Variants in AIM2 observed in about 807,000 individuals in gnomAD.
AIM2 encodes absent in melanoma 2, also known as interferon-inducible protein AIM2.
Under a neutral mutation model 27.7 loss-of-function variants are expected in AIM2, and 30 were observed. That is an observed-to-expected ratio of 1.08 (90% CI 0.81 to 1.47). AIM2 has a LOEUF of 1.47. AIM2 is among the 40% of genes most tolerant of loss of function. The probability of loss-of-function intolerance (pLI) is 0.00; values close to 1 mark genes in which losing one functional copy is unlikely to be tolerated. For synonymous variants in AIM2, 141 were observed against 145.3 expected, an observed-to-expected ratio of 0.97 and a Z score of 0.21; for missense variants, 358 against 411.3, an observed-to-expected ratio of 0.87 and a Z score of 1.12.
At chr1:159,135,953 A>T (rs1648003249) in intron 1 of AIM2, among the ~76,000 whole-genome samples, 1 of 151,844 alleles carries the variant, frequency 6.6e-6, no homozygotes, top group South Asian at 2.1e-4. Flanking sequence ...AAATAGACAC[A>T]CTCGCCCTCA....
At chr1:159,105,401 C>T (rs544069149) in intron 1 of AIM2, among the ~76,000 whole-genome samples, 2 of 152,150 alleles carry the variant, frequency 1.3e-5, no homozygotes, top group Non-Finnish European at 2.9e-5. Flanking sequence ...TAGCCTGCAA[C>T]ATAGTGAGTG....
At chr1:159,139,657 T>C (rs1648074260) in intron 1 of AIM2, among the ~76,000 whole-genome samples, 1 of 152,234 alleles carries the variant, frequency 6.6e-6, no homozygotes, top group Admixed American at 6.5e-5. Context: ...TGGGGAATTA[T>C]CTGTGGATTT....
chr1:159,117,966 G>A (rs563003571), intron 1 of AIM2, among the ~76,000 whole-genome samples: 1 of 152,230 alleles, frequency 6.6e-6, no homozygotes, highest in African/African-American at 2.4e-5. Context: ...TATTGATGAA[G>A]CATTTGAAAC....
At chr1:159,068,387 G>C (rs1656202478) in intron 3 of AIM2, among the ~76,000 whole-genome samples, 181 bp downstream of exon 3, 1 of 152,230 alleles carries the variant, frequency 6.6e-6, no homozygotes, top group Non-Finnish European at 1.5e-5. Flanking sequence ...AAGCTCAACA[G>C]GTGTTTAATC....
At chr1:159,056,465 TG>T in the AIM2 span, among the ~76,000 whole-genome samples, 4 of 151,914 alleles carry the variant, frequency 2.6e-5, no homozygotes, top group African/African-American at 9.7e-5. Context: ...TGCTTCCTGC[TG>T]ACAGGGGGTG....
At chr1:159,097,890 C>T (rs929255521) in intron 1 of AIM2, among the ~76,000 whole-genome samples, 3 of 152,096 alleles carry the variant, frequency 2.0e-5, no homozygotes, top group Non-Finnish European at 4.4e-5. Flanking sequence ...AAAGTGAAAA[C>T]GCCATTCTGA....
At chr1:159,082,184 G>A (rs1405635832) in intron 1 of AIM2, among the ~76,000 whole-genome samples, 1 of 152,158 alleles carries the variant, frequency 6.6e-6, no homozygotes, top group Non-Finnish European at 1.5e-5. Flanking sequence ...CTAGAAGAGA[G>A]TGGAGCAATT....
intron 1 of AIM2, among the ~76,000 whole-genome samples, chr1:159,121,421 G>A (rs1647531042): frequency 6.6e-6 from 1 of 152,144 alleles, no homozygotes; most frequent in African/African-American, 2.4e-5. Flanking sequence ...TTATATAAAT[G>A]TATAAATGGG....
upstream of AIM2, among the ~76,000 whole-genome samples, chr1:159,141,227 T>C (rs1648104864): frequency 1.3e-5 from 2 of 152,098 alleles, no homozygotes; most frequent in African/African-American, 4.8e-5. Context: ...AGTTGGACAT[T>C]TTCTCATTGG....
chr1:159,142,537 C>G (rs138603271), upstream of AIM2, among the ~76,000 whole-genome samples: 245 of 152,256 alleles, frequency 1.6e-3, no homozygotes, highest in African/African-American at 5.6e-3. Context: ...CCCCACCTTG[C>G]TCAGCCCGGA....
At chr1:159,134,409 C>A (rs543606968) in intron 1 of AIM2, among the ~76,000 whole-genome samples, 5 of 152,320 alleles carry the variant, frequency 3.3e-5, no homozygotes, top group African/African-American at 1.2e-4. Context: ...CAGTGGTTTT[C>A]CATTGTTTTT....
At chr1:159,114,468 C>T (rs189417680) in intron 1 of AIM2, among the ~76,000 whole-genome samples, 1 of 152,274 alleles carries the variant, frequency 6.6e-6, no homozygotes, top group African/African-American at 2.4e-5. Context: ...TGCTTGTAAT[C>T]CCAACACTTT....
At chr1:159,126,835 A>G (rs914337167) in intron 1 of AIM2, among the ~76,000 whole-genome samples, 2 of 152,112 alleles carry the variant, frequency 1.3e-5, no homozygotes, top group Non-Finnish European at 2.9e-5. Flanking sequence ...AAAAACCTGG[A>G]AAAAAACTGC....
intron 1 of AIM2, among the ~76,000 whole-genome samples, chr1:159,145,977 G>A (rs545453470): frequency 2.6e-5 from 4 of 152,164 alleles, no homozygotes; most frequent in South Asian, 2.1e-4. Context: ...ATGGTGGTGC[G>A]TGCCTGTAGT....
upstream of AIM2, among the ~76,000 whole-genome samples, chr1:159,080,259 C>A (rs183608617): frequency 2.6e-5 from 4 of 152,176 alleles, no homozygotes; most frequent in African/African-American, 9.6e-5. Flanking sequence ...TTGTAAGAAA[C>A]CACTAATTGG....
downstream of AIM2, among the ~76,000 whole-genome samples, chr1:159,061,021 T>A (rs1655816894): frequency 6.6e-6 from 1 of 152,236 alleles, no homozygotes; most frequent in African/African-American, 2.4e-5. Flanking sequence ...AGAGTTTCAA[T>A]TGCTCTGTAT....
chr1:159,107,013 T>A (rs1056343691), intron 1 of AIM2, among the ~76,000 whole-genome samples: 3 of 152,258 alleles, frequency 2.0e-5, no homozygotes, highest in African/African-American at 7.2e-5. Context: ...GATGCTTCTA[T>A]AGGATTATTT....
At chr1:159,117,276 CA>C (rs749076487) in intron 1 of AIM2, among the ~76,000 whole-genome samples, 95 of 152,120 alleles carry the variant, frequency 6.2e-4, no homozygotes, top group Non-Finnish European at 8.4e-4. Context: ...ACAAAAAGTT[CA>C]CAAAGAATGT....
chr1:159,133,770 C>T (rs919334099), intron 1 of AIM2, among the ~76,000 whole-genome samples: 3 of 152,198 alleles, frequency 2.0e-5, no homozygotes, highest in African/African-American at 7.2e-5. Flanking sequence ...TTCTCCGACT[C>T]CTCTTACTCT....
Sources: gnomAD v4.1 joint callset for allele counts (sites outside exome capture counted in the v4.1 genomes callset) on GRCh38, gnomAD v4.1.1 for gene constraint, MANE v1.5 for transcripts, NCBI Gene and HGNC (gene_info 2026-07-23, HGNC 2026-07-21) for gene names.